Variants in ACO2 observed in about 807,000 individuals in gnomAD.
ACO2 encodes aconitase 2.
A neutral mutation model predicts 84.5 loss-of-function variants in ACO2; 31 were observed. That is an observed-to-expected ratio of 0.37 (90% confidence interval 0.28 to 0.50). ACO2 has a LOEUF of 0.50. Ranked by LOEUF, ACO2 falls within the 20% of genes least tolerant of loss-of-function variation. The pLI is 0.97. For synonymous variants in ACO2, 414 were observed against 412.7 expected (o/e 1.00, Z -0.04); for missense variants, 685 against 1,029.3 (o/e 0.67, Z 4.58).
intron 17 of ACO2, 26 bp from the exon 18 acceptor site, chr22:41,528,453 C>G (rs750246651): frequency 9.9e-6 from 16 of 1,609,922 alleles, no homozygotes; most frequent in Non-Finnish European, 1.2e-5. Context: ...CCACCACTTC[C>G]ACCCACACCC....
In ACO2 at chr22:41,517,335, T is replaced by C. The variant is rs141562013; in HGVS notation, c.836-192T>C. The C allele has an allele frequency of 7.2e-5, 41 of 569,918 alleles. No individual in the cohort carries two copies. The African/African-American group carries it at 7.5e-4, about 10-fold the overall frequency. The allele number at this position is 569,918 out of a possible 1,614,324, so 35.3% of individuals were successfully genotyped here. ...CTGGGGCCCTGAGCTCTGATCCCCA[T>C]GGCCTCCCCTCACCGGCCCAGGTTT... On this transcript the variant is annotated intron_variant, in intron 6 of 17. Coordinates refer to ENST00000216254, the MANE Select transcript of ACO2 (RefSeq NM_001098.3).
At chr22:41,528,332 G>C in intron 17 of ACO2, 147 bp from the exon 18 acceptor site, 1 of 1,195,984 alleles carries the variant, frequency 8.4e-7, no homozygotes, top group Non-Finnish European at 1.1e-6. Context: ...GGTCTGACCT[G>C]GGCCATCAGG....
In ACO2 at chr22:41,493,172, T is replaced by C. The variant is rs980985839; in HGVS notation, c.37-6554T>C. The stretch of plus-strand genomic sequence containing the variant: ...TGTAATAACAGCATTAATCCGGTCA[T>C]GAGGGTAGCGCCCTTCTGACCTAAT... On this transcript the variant is annotated intron_variant, in intron 1 of 17. Transcript: ENST00000216254. Among the ~76,000 whole-genome samples, 11 of 152,168 alleles carry C rather than the reference T, an allele frequency of 7.2e-5. No individual in the cohort carries two copies. The South Asian group carries it at 1.9e-3, about 26-fold the overall frequency.
chr22:41,479,093 G>A (rs1365941371), intron 1 of ACO2, among the ~76,000 whole-genome samples: 1 of 152,120 alleles, frequency 6.6e-6, no homozygotes, highest in Non-Finnish European at 1.5e-5. Context: ...GAGCTTTTAG[G>A]GTGGTGAGGG....
At chr22:41,513,745 G>A (rs1316544219) in intron 4 of ACO2, among the ~76,000 whole-genome samples, 1 of 152,222 alleles carries the variant, frequency 6.6e-6, no homozygotes, top group African/African-American at 2.4e-5. Context: ...ATGTATGTGT[G>A]TGTTGTGTGG....
In ACO2 at chr22:41,523,941, G is replaced by A. The variant is rs1441799411; in HGVS notation, c.1482G>A (p.Glu494=). Residue 494 remains glutamate, a splice_region_variant and synonymous_variant, in exon 12 of 18, where the codon GAG becomes GAA. Coordinates refer to ENST00000216254, the MANE Select transcript of ACO2 (RefSeq NM_001098.3). ...PETHAFVTSP[E]IVTALAIAGT... ...CCCATGCCTTTGTCACGTCCCCAGA[G>A]GTGAGACTGCCCAGCTGCGCACAAG... 5 of 1,613,022 alleles carry A rather than the reference G, an allele frequency of 3.1e-6. No individual in the cohort carries two copies. The Admixed American group carries it at 5.0e-5, about 16-fold the overall frequency.
At chr22:41,470,829 C>T (rs2037937902) in intron 1 of ACO2, among the ~76,000 whole-genome samples, 1 of 152,110 alleles carries the variant, frequency 6.6e-6, no homozygotes, top group African/African-American at 2.4e-5. Context: ...AGGTGTGAGC[C>T]ACCACACCTG....
intron 2 of ACO2, among the ~76,000 whole-genome samples, chr22:41,502,794 A>C (rs921729032): frequency 6.6e-6 from 1 of 152,150 alleles, no homozygotes; most frequent in Non-Finnish European, 1.5e-5. Flanking sequence ...TTTTTAGTAA[A>C]GATGGGGGTT....
intron 1 of ACO2, among the ~76,000 whole-genome samples, chr22:41,478,585 G>C (rs1023363586): frequency 1.3e-5 from 2 of 152,114 alleles, no homozygotes; most frequent in Admixed American, 6.6e-5. Context: ...TTTTTATCAT[G>C]AAATATTCAA....
intron 3 of ACO2, among the ~76,000 whole-genome samples, chr22:41,509,449 G>C (rs1484823881): frequency 6.6e-6 from 1 of 152,118 alleles, no homozygotes; most frequent in African/African-American, 2.4e-5. Context: ...CTGCAGATCT[G>C]GGTATGTGTT....
chr22:41,476,787 T>C (rs2038019899), intron 1 of ACO2, among the ~76,000 whole-genome samples: 1 of 152,014 alleles, frequency 6.6e-6, no homozygotes, highest in African/African-American at 2.4e-5. Context: ...GAATAGGCCA[T>C]TTCTAAGATT....
At chr22:41,502,409 G>A (rs1394966932) in intron 2 of ACO2, among the ~76,000 whole-genome samples, 5 of 152,150 alleles carry the variant, frequency 3.3e-5, no homozygotes, top group Non-Finnish European at 7.3e-5. Context: ...GCACTGGCCC[G>A]TTCCCCAGCA....
At chr22:41,527,132 C>A in intron 15 of ACO2, 156 bp from the exon 16 acceptor site, 4 of 1,108,866 alleles carry the variant, frequency 3.6e-6, no homozygotes, top group Non-Finnish European at 5.2e-6. Flanking sequence ...GCTTCACTTG[C>A]CCTTAGGCAG....
At chr22:41,470,921 G>A (rs2146072151) in intron 1 of ACO2, among the ~76,000 whole-genome samples, 1 of 152,312 alleles carries the variant, frequency 6.6e-6, no homozygotes, top group East Asian at 1.9e-4. Flanking sequence ...AGGGAGTCAG[G>A]CAAGATTATT....
chr22:41,477,247 G>A (rs1211632416), intron 1 of ACO2, among the ~76,000 whole-genome samples: 5 of 151,330 alleles, frequency 3.3e-5, no homozygotes, highest in African/African-American at 7.3e-5. Context: ...TCCGCCTCCC[G>A]GGTTCACGCC....
chr22:41,525,135 T>A (rs2066569491), intron 13 of ACO2, 58 bp from the exon 14 acceptor site: 2 of 1,599,940 alleles, frequency 1.3e-6, no homozygotes. Flanking sequence ...CTTCTGAGAG[T>A]CTGTCCTTGT....
In ACO2 at chr22:41,469,200, C is replaced by T; in HGVS notation, c.36+18C>T. The T allele has an allele frequency of 6.2e-7, 1 of 1,605,810 alleles. No individual in the cohort carries two copies. On this transcript the variant is annotated intron_variant, in intron 1 of 17. Transcript: ENST00000216254. ...GGCTGCAGGTGAGCGAGCTCAGGGA[C>T]CTCTGGGTTCACGGGGGCGGGGTGC...
intron 9 of ACO2, among the ~76,000 whole-genome samples, 181 bp from the exon 10 acceptor site, chr22:41,522,648 AG>A (rs201267172): frequency 6.9e-5 from 10 of 144,562 alleles, no homozygotes; most frequent in Non-Finnish European, 1.1e-4. Flanking sequence ...CCACGTCATG[AG>A]TTAGCCTGTC....
At chr22:41,517,176 G>C (rs2066482192) in intron 6 of ACO2, 2 of 288,316 alleles carry the variant, frequency 6.9e-6, no homozygotes, top group African/African-American at 4.3e-5. Flanking sequence ...GGCAGTGTCT[G>C]GTCAGGTCAG....
Sources: gnomAD v4.1 joint callset for allele counts (sites outside exome capture counted in the v4.1 genomes callset) on GRCh38, gnomAD v4.1.1 for gene constraint, MANE v1.5 for transcripts, NCBI Gene and HGNC (gene_info 2026-07-23, HGNC 2026-07-21) for gene names.